Variants in AP3B1 observed in about 807,000 individuals in gnomAD.
AP3B1 encodes the protein adaptor related protein complex 3 subunit beta 1, also known as AP-3 complex subunit beta-1.
In AP3B1, 61 loss-of-function variants were observed where a neutral mutation model predicts 132.5. That is an observed-to-expected ratio of 0.46 (90% confidence interval 0.37 to 0.57). The LOEUF (loss-of-function observed/expected upper bound fraction) is 0.57, where lower values mean the gene tolerates loss of function less well. Ranked by LOEUF, AP3B1 falls within the 20% of genes least tolerant of loss-of-function variation. The pLI, the probability that AP3B1 is intolerant of heterozygous loss-of-function variation, is 0.00. For missense variants in AP3B1, 1,120 were observed against 1,289.4 expected (o/e 0.87, Z 2.01); for synonymous variants, 388 against 438.3 (o/e 0.89, Z 1.43).
intron 22 of AP3B1, among the ~76,000 whole-genome samples, chr5:78,072,314 T>C (rs1487871430): frequency 6.6e-6 from 1 of 152,176 alleles, no homozygotes; most frequent in Admixed American, 6.5e-5. Flanking sequence ...TATTATCACA[T>C]CTAAAAATGA....
intron 22 of AP3B1, among the ~76,000 whole-genome samples, chr5:78,087,133 T>C (rs1580328309): frequency 6.6e-6 from 1 of 152,138 alleles, no homozygotes; most frequent in East Asian, 1.9e-4. Flanking sequence ...TACTTTTATT[T>C]TTTCTATTCA....
intron 2 of AP3B1, among the ~76,000 whole-genome samples, chr5:78,260,408 C>A (rs1456270811): frequency 6.6e-6 from 1 of 151,956 alleles, no homozygotes; most frequent in Non-Finnish European, 1.5e-5. Flanking sequence ...TCAAGACTAG[C>A]ATGATGAAAC....
At chr5:78,278,162 T>G (rs527783674) in intron 1 of AP3B1, among the ~76,000 whole-genome samples, 1 of 152,350 alleles carries the variant, frequency 6.6e-6, no homozygotes, top group East Asian at 1.9e-4. Context: ...AAGGAACTTT[T>G]TGCCTGTTAC....
intron 17 of AP3B1, among the ~76,000 whole-genome samples, chr5:78,119,418 T>C (rs1296624688): frequency 6.6e-6 from 1 of 151,786 alleles, no homozygotes; most frequent in East Asian, 1.9e-4. Flanking sequence ...TACAAACCAA[T>C]GGCAAATAAG....
chr5:78,193,732 GTATATATTTTTT>G (rs1461664370), intron 7 of AP3B1, among the ~76,000 whole-genome samples: 1 of 89,230 alleles, frequency 1.1e-5, no homozygotes. Context: ...TTAAATATTT[GTATATATTTTTT>G]TATATATATA....
chr5:78,233,771 G>T (rs1236730066), intron 3 of AP3B1, among the ~76,000 whole-genome samples: 1 of 152,064 alleles, frequency 6.6e-6, no homozygotes, highest in Non-Finnish European at 1.5e-5. Flanking sequence ...AGGAAAGTAA[G>T]GCTCAGAGGT....
chr5:78,129,131 A>T lies in AP3B1; in HGVS notation c.1827T>A (p.Ser609=). 6.2e-7 allele frequency: 1 copy of T among 1,612,092 alleles called. No individual in the cohort carries two copies. The highest frequency in any genetic ancestry group is 1.1e-5 in the South Asian group (1 of 90,764). The change falls in exon 16 of 27, where the codon TCT becomes TCA. Residue 609 remains serine (S), a synonymous_variant. Transcript: ENST00000255194. ...LAQKPAPLLE[S]PFKDRDHFQL... ...ATATTCTGATAATACCTTTAAAAGG[A>T]GACTCAAGCAGTGGTGCAGGCTTTT...
intron 24 of AP3B1, among the ~76,000 whole-genome samples, chr5:78,021,192 A>C (rs918431475): frequency 6.6e-6 from 1 of 152,088 alleles, no homozygotes; most frequent in Admixed American, 6.6e-5. Flanking sequence ...TGAAACAGTT[A>C]AGATATCTTT....
rs1561469518 is a variant in AP3B1 at position 78,193,754 on chromosome 5, A to ATCTATATATATATC, written c.787-12093_787-12092insGATATATATATAGA. Among the ~76,000 whole-genome samples the ATCTATATATATATC allele has an allele frequency of 2.5e-5, 3 of 118,488 alleles. No homozygotes were observed. The East Asian group carries it at 6.7e-4, about 26-fold the overall frequency. 77.7% of individuals were successfully genotyped at this position (118,488 alleles called of 152,430 possible). A position where few individuals can be genotyped will look rare whatever the true frequency, so the allele number is the denominator to read the frequency against. On this transcript the variant is annotated intron_variant, in intron 7 of 26. Coordinates refer to ENST00000255194, the MANE Select transcript of AP3B1 (RefSeq NM_003664.5). Reference sequence around the variant, plus strand: ...TTTGTATATATTTTTTTATATATATATATATATATATATATATTTTTTTTT... The same window carrying ATCTATATATATATC: ...TTTGTATATATTTTTTTATATATATATCTATATATATATCTATATATATATATATATTTTTTTTT...
In AP3B1 at chr5:78,195,064, CA is replaced by C. The variant is rs35455070; in HGVS notation, c.787-13403del. ...AATATACATTTAAGCTGGACCAAACCAAAAAAAAAAAAAATTTAAAAAAATG... is the reference window on the plus strand; with the variant it reads ...AATATACATTTAAGCTGGACCAAACCAAAAAAAAAAAAATTTAAAAAAATG... On this transcript the variant is annotated intron_variant, in intron 7 of 26. Transcript: ENST00000255194. 2.1e-3 allele frequency among the ~76,000 whole-genome samples: 292 copies of C among 137,526 alleles called. 1 individual carries two copies. Among genetic ancestry groups the C allele is most frequent in the South Asian group, 9.9e-3 (43 of 4,328 alleles). 90.2% of individuals were successfully genotyped at this position (137,526 alleles called of 152,430 possible). A position where few individuals can be genotyped will look rare whatever the true frequency, so the allele number is the denominator to read the frequency against.
At chr5:78,144,380 T>C (rs532327406) in intron 14 of AP3B1, among the ~76,000 whole-genome samples, 48 of 152,224 alleles carry the variant, frequency 3.2e-4, no homozygotes, top group Non-Finnish European at 5.7e-4. Flanking sequence ...TAGAAAGACA[T>C]CTAGAAAGAT....
intron 7 of AP3B1, among the ~76,000 whole-genome samples, chr5:78,207,947 A>G (rs952205540): frequency 2.6e-5 from 4 of 152,212 alleles, no homozygotes; most frequent in African/African-American, 9.6e-5. Context: ...CAGGTAAAAT[A>G]TCAATCAAGT....
At chr5:78,272,717 A>G (rs1748598361) in intron 1 of AP3B1, among the ~76,000 whole-genome samples, 1 of 152,216 alleles carries the variant, frequency 6.6e-6, no homozygotes, top group Non-Finnish European at 1.5e-5. Context: ...GTAAATTTTA[A>G]AAGTGACATC....
At position 78,010,282 on chromosome 5, in the gene AP3B1, T is replaced by C. The variant is rs574789775; in HGVS notation, c.3131+5128A>G. ...TATTTTGAAATGTGTCATGTGGCAT[T>C]ACAGCTTGATAATTCCAGGCAGCCT... On this transcript the variant is annotated intron_variant, in intron 26 of 26. Transcript: ENST00000255194. 3.2e-3 allele frequency among the ~76,000 whole-genome samples: 494 copies of C among 152,316 alleles called. 3 individuals carry two copies. Among genetic ancestry groups the C allele is most frequent in the African/African-American group, 0.011 (471 of 41,566 alleles).
chr5:78,031,787 C>T (rs1747587436), intron 24 of AP3B1, among the ~76,000 whole-genome samples: 1 of 152,100 alleles, frequency 6.6e-6, no homozygotes, highest in South Asian at 2.1e-4. Context: ...GTCAATAATG[C>T]CTCATAATTT....
intron 20 of AP3B1, among the ~76,000 whole-genome samples, chr5:78,107,794 TTAA>T (rs1751400492): frequency 6.6e-6 from 1 of 152,214 alleles, no homozygotes; most frequent in Admixed American, 6.5e-5. Context: ...AGCAGGATAC[TTAA>T]GAGTTACCAA....
intron 2 of AP3B1, among the ~76,000 whole-genome samples, chr5:78,262,354 T>C (rs571671741): frequency 6.6e-6 from 1 of 152,350 alleles, no homozygotes; most frequent in South Asian, 2.1e-4. Context: ...TTTATAGTTT[T>C]AGCTCTTACA....
chr5:78,203,071 T>C lies in AP3B1; in HGVS notation c.786+12984A>G, dbSNP rs377413508. Among the ~76,000 whole-genome samples the C allele has an allele frequency of 5.9e-5, 9 of 152,304 alleles. No individual in the cohort carries two copies. The East Asian group carries it at 1.2e-3, about 20-fold the overall frequency. ...GTTCTTCAACTACCTTCTGGCCCCA[T>C]GGTTTCTAATGAGAAACTAGCTGTT... On this transcript the variant is annotated intron_variant, in intron 7 of 26. Coordinates refer to ENST00000255194, the MANE Select transcript of AP3B1 (RefSeq NM_003664.5).
intron 25 of AP3B1, 103 bp from the exon 26 acceptor site, chr5:78,015,651 A>C: frequency 9.3e-7 from 1 of 1,070,142 alleles, no homozygotes; most frequent in Admixed American, 1.9e-5. Context: ...TTTCAACAAA[A>C]GAAACACTAC....
Sources: gnomAD v4.1 joint callset for allele counts (sites outside exome capture counted in the v4.1 genomes callset) on GRCh38, gnomAD v4.1.1 for gene constraint, MANE v1.5 for transcripts, NCBI Gene and HGNC (gene_info 2026-07-23, HGNC 2026-07-21) for gene names.